The following SPACA7 variants were observed in gnomAD, a reference collection of about 807,000 sequenced individuals.
SPACA7 encodes sperm acrosome associated 7, also known as sperm acrosome-associated protein 7.
In SPACA7, 19 loss-of-function variants were observed where a neutral mutation model predicts 26.3. The ratio of observed to expected loss-of-function variants is 0.72; its 90% confidence interval spans 0.50 to 1.06. The LOEUF is 1.06. Among genes scored for constraint, SPACA7 ranks in the 50% least tolerant of loss-of-function variants. The pLI is 0.00. For synonymous variants in SPACA7, 84 were observed against 84.5 expected (o/e 0.99, Z 0.04); for missense variants, 211 against 229.9 (o/e 0.92, Z 0.53).
chr13:112,408,258 TATC>T (rs1406104608), intron 5 of SPACA7, among the ~76,000 whole-genome samples: 1 of 152,094 alleles, frequency 6.6e-6, no homozygotes, highest in Non-Finnish European at 1.5e-5. Context: ...CCACAGCCAA[TATC>T]ATACTGAATG....
In SPACA7 at chr13:112,382,320, G is replaced by A. The variant is rs765622661; in HGVS notation, c.94+5841G>A. ...AGACTGGAGTGCAGAGGCGCCTCTC[G>A]ATTTCTTGACCTCATGGTCCGCCCG... On this transcript the variant is annotated intron_variant, in intron 1 of 6. Coordinates refer to ENST00000283550, the MANE Select transcript of SPACA7 (RefSeq NM_145248.5). 8.1e-4 allele frequency: 899 copies of A among 1,104,468 alleles called. 1 individual carries two copies. The highest frequency in any genetic ancestry group is 9.0e-4 in the Non-Finnish European group (716 of 797,284). The allele number at this position is 1,104,468 out of a possible 1,614,324, so 68.4% of individuals were successfully genotyped here. A position where few individuals can be genotyped will look rare whatever the true frequency, so the allele number is the denominator to read the frequency against.
At chr13:112,395,800 T>C (rs1885208331) in intron 2 of SPACA7, among the ~76,000 whole-genome samples, 1 of 152,140 alleles carries the variant, frequency 6.6e-6, no homozygotes, top group African/African-American at 2.4e-5. Flanking sequence ...GATGGTCTGG[T>C]CATTGTATTT....
intron 2 of SPACA7, among the ~76,000 whole-genome samples, chr13:112,395,328 GC>G (rs1392615334): frequency 3.3e-5 from 5 of 152,238 alleles, no homozygotes; most frequent in African/African-American, 1.2e-4. Flanking sequence ...TGCATTCCTG[GC>G]CCTCTGGGGC....
At chr13:112,400,166 T>C (rs2138955644) in intron 4 of SPACA7, among the ~76,000 whole-genome samples, 1 of 152,254 alleles carries the variant, frequency 6.6e-6, no homozygotes, top group East Asian at 1.9e-4. Context: ...CAGTATCTGA[T>C]GGTGTGCCAG....
At chr13:112,415,168 T>C (rs1247152334) in intron 5 of SPACA7, among the ~76,000 whole-genome samples, 2 of 152,158 alleles carry the variant, frequency 1.3e-5, no homozygotes, top group Admixed American at 6.5e-5. Context: ...TGTTTCCCCA[T>C]AGCAGACGGA....
chr13:112,383,121 A>G lies in SPACA7; in HGVS notation c.94+6642A>G, dbSNP rs960153834. ...AAGAAGAAAGAAAAGAAAAGAAAAG[A>G]AAAGAAAGAAAGAAAGAAAGAAAGA... On this transcript the variant is annotated intron_variant, in intron 1 of 6. Coordinates refer to ENST00000283550, the MANE Select transcript of SPACA7 (RefSeq NM_145248.5). Among the ~76,000 whole-genome samples, 97 of 33,906 alleles carry G rather than the reference A, an allele frequency of 2.9e-3. 1 individual carries two copies. The highest frequency in any genetic ancestry group is 0.01 in the African/African-American group (93 of 9,278). The allele number at this position is 33,906 out of a possible 152,430, so 22.2% of individuals were successfully genotyped here.
At chr13:112,430,498 A>C (rs767188648) in intron 5 of SPACA7, among the ~76,000 whole-genome samples, 1 of 152,206 alleles carries the variant, frequency 6.6e-6, no homozygotes, top group South Asian at 2.1e-4. Context: ...CATCCTTTCC[A>C]GACATTAAAA....
At chr13:112,432,373 T>C in intron 5 of SPACA7, 71 bp from the exon 6 acceptor site, 1 of 1,311,902 alleles carries the variant, frequency 7.6e-7, no homozygotes, top group Non-Finnish European at 1.1e-6. Context: ...TCCCTGAAGT[T>C]AAAGGAAAAG....
At chr13:112,384,171 GA>G (rs1884386012) in intron 1 of SPACA7, among the ~76,000 whole-genome samples, 3 of 152,000 alleles carry the variant, frequency 2.0e-5, no homozygotes, top group African/African-American at 7.2e-5. Flanking sequence ...CCTATACTTA[GA>G]GTTTTATATT....
At chr13:112,423,029 A>G (rs1462467111) in intron 5 of SPACA7, among the ~76,000 whole-genome samples, 1 of 152,220 alleles carries the variant, frequency 6.6e-6, no homozygotes, top group East Asian at 1.9e-4. Flanking sequence ...TTACATTTTC[A>G]GCAACTGAGA....
intron 6 of SPACA7, among the ~76,000 whole-genome samples, chr13:112,432,779 C>T (rs1877289493): frequency 6.6e-6 from 1 of 152,154 alleles, no homozygotes. Context: ...GGGACTAGTC[C>T]CCCTTTTCCC....
chr13:112,398,256 G>A lies in SPACA7; in HGVS notation c.241+118G>A. The A allele has an allele frequency of 5.5e-6, 4 of 721,884 alleles. No homozygotes were observed. In the East Asian group the frequency reaches 7.8e-5, roughly 14 times the overall value. 44.7% of individuals were successfully genotyped at this position (721,884 alleles called of 1,614,324 possible). On this transcript the variant is annotated intron_variant, in intron 3 of 6. Coordinates refer to ENST00000283550, the MANE Select transcript of SPACA7 (RefSeq NM_145248.5). ...AGCATTAAGACCAGCTATTTCTGGG[G>A]CAAGGGCACATGGAGATGTGAACAA...
At chr13:112,403,524 T>C (rs1475649546) in intron 5 of SPACA7, among the ~76,000 whole-genome samples, 1 of 152,074 alleles carries the variant, frequency 6.6e-6, no homozygotes, top group Admixed American at 6.6e-5. Context: ...GCACCCATCA[T>C]CCGAACAGTA....
At chr13:112,405,128 A>G (rs1301287139) in intron 5 of SPACA7, among the ~76,000 whole-genome samples, 1 of 151,882 alleles carries the variant, frequency 6.6e-6, no homozygotes, top group Admixed American at 6.6e-5. Context: ...GACTACAGGC[A>G]TCCGCCAACA....
At chr13:112,396,072 C>T (rs1885232312) in intron 2 of SPACA7, among the ~76,000 whole-genome samples, 1 of 137,014 alleles carries the variant, frequency 7.3e-6, no homozygotes, top group African/African-American at 2.5e-5. Context: ...AGGAACGCGC[C>T]TCCTCACAGC....
rs759534293 is a variant in SPACA7 at position 112,401,070 on chromosome 13, A to G, written c.351A>G (p.Glu117=). The G allele has an allele frequency of 6.2e-7, 1 of 1,613,306 alleles. No individual in the cohort carries two copies. Among genetic ancestry groups the G allele is most frequent in the East Asian group, 2.2e-5 (1 of 44,880 alleles). The stretch of plus-strand genomic sequence containing the variant: ...TTTTTTCCATATTTGTCATTAAAGA[A>G]GCCAATGCTAATGCAAATCTCCATG... The part of the protein sequence containing the change: ...PGIEVKISND[E]ANANANLHGD... The change falls in exon 5 of 7, where the codon GAA becomes GAG. Residue 117 remains glutamate, a splice_region_variant and synonymous_variant. Coordinates refer to ENST00000283550, the MANE Select transcript of SPACA7 (RefSeq NM_145248.5).
At chr13:112,392,417 C>G (rs1884950830) in intron 1 of SPACA7, among the ~76,000 whole-genome samples, 1 of 152,116 alleles carries the variant, frequency 6.6e-6, no homozygotes, top group South Asian at 2.1e-4. Flanking sequence ...CAGATGGGAC[C>G]ACCCTGAAAT....
intron 5 of SPACA7, among the ~76,000 whole-genome samples, chr13:112,405,463 C>T (rs535583023): frequency 6.6e-6 from 1 of 152,214 alleles, no homozygotes; most frequent in South Asian, 2.1e-4. Flanking sequence ...TTCCAATTCC[C>T]AGGTAACAGG....
At chr13:112,400,938 T>C in intron 4 of SPACA7, 131 bp from the exon 5 acceptor site, 2 of 688,310 alleles carry the variant, frequency 2.9e-6, no homozygotes, top group Non-Finnish European at 4.9e-6. Flanking sequence ...TTCCAAAACA[T>C]ATTTTCAAAT....
Sources: allele counts gnomAD v4.1 joint callset (sites outside exome capture counted in the v4.1 genomes callset), GRCh38; gene constraint gnomAD v4.1.1; transcripts MANE v1.5; gene names NCBI Gene and HGNC (gene_info 2026-07-23, HGNC 2026-07-21).